Variants in SEMG2 observed in about 807,000 individuals in gnomAD.
SEMG2 encodes semenogelin-2.
A neutral mutation model predicts 8.1 loss-of-function variants in SEMG2; 3 were observed. The observed-to-expected ratio is 0.37, with a 90% CI of 0.17 to 0.96. The LOEUF (loss-of-function observed/expected upper bound fraction) is 0.96. Ranked by LOEUF, SEMG2 falls within the 40% of genes least tolerant of loss-of-function variation. The pLI, the probability that SEMG2 is intolerant of heterozygous loss-of-function variation, is 0.41. For missense variants in SEMG2, 726 were observed against 671.2 expected, an observed-to-expected ratio of 1.08 and a Z score of -0.90; for synonymous variants, 252 against 231.4, an observed-to-expected ratio of 1.09 and a Z score of -0.81.
In SEMG2 at chr20:45,223,414, A is replaced by G. The variant is rs978698447; in HGVS notation, c.*33A>G. On this transcript the variant is annotated 3_prime_UTR_variant, in exon 2 of 3. Transcript: ENST00000372769. ...GCTTAGCAACCACTTGAAAAGCTGG[A>G]CCAATAGCAAGGTAAGTTTGCTTTT... 10 of 1,492,318 alleles carry G rather than the reference A, an allele frequency of 6.7e-6. No homozygotes were observed. Among genetic ancestry groups the G allele is most frequent in the Admixed American group, 3.7e-5 (2 of 54,062 alleles). 92.4% of individuals were successfully genotyped at this position (1,492,318 alleles called of 1,614,324 possible).
chr20:45,223,011 G>T lies in SEMG2; in HGVS notation c.1379G>T (p.Gly460Val), dbSNP rs1984060426. ...ATTCCTAGTCAAGATCAAGAGCATG[G>T]CCATAAGGAAAATAAAATGTCATAC... is the stretch of plus-strand genomic sequence containing the variant. Reference protein sequence around the residue: ...VTIPSQDQEHGHKENKMSYQS... With the variant: ...VTIPSQDQEHVHKENKMSYQS... The change falls in exon 2 of 3, where the codon GGC (glycine) becomes GTC (valine). Residue 460 changes from glycine (G) to valine (V), a missense_variant. Gly to Val is a moderately radical substitution (Grantham distance 109). Transcript: ENST00000372769. 1.9e-6 allele frequency: 3 copies of T among 1,614,044 alleles called. No homozygotes were observed. In the African/African-American group the frequency reaches 4.0e-5, roughly 22 times the overall value.
Position 45,221,926 on chromosome 20 carries a change from A to C in SEMG2, c.294A>C (p.Gln98His). 1 of 1,613,224 alleles carries C rather than the reference A, an allele frequency of 6.2e-7. No homozygotes were observed. The highest frequency in any genetic ancestry group is 8.5e-7 in the Non-Finnish European group (1 of 1,179,814). The change falls in exon 2 of 3, where the codon CAA (glutamine) becomes CAC (histidine). Residue 98 changes from glutamine to histidine, a missense_variant. Physicochemically the swap from Gln to His is conservative, Grantham distance 24. Coordinates refer to ENST00000372769, the MANE Select transcript of SEMG2 (RefSeq NM_003008.3). ...TACATAAGGCGACAAAATCAAAACA[A>C]CACCTAGGTGGAAGTCAACAACTGC... is the stretch of plus-strand genomic sequence containing the variant. Reference protein sequence around the residue: ...NALHKATKSKQHLGGSQQLLN... With the variant: ...NALHKATKSKHHLGGSQQLLN...
Position 45,222,270 on chromosome 20 carries a change from C to T in SEMG2, c.638C>T (p.Ser213Phe). ...VNKQQRETKN[S>F]HQNKGHYQNV... ...AAACAACAACGTGAGACTAAAAATT[C>T]TCATCAAAATAAAGGGCATTACCAA... is the stretch of plus-strand genomic sequence containing the variant. The change falls in exon 2 of 3, where the codon TCT (serine) becomes TTT (phenylalanine). Residue 213 changes from serine to phenylalanine, a missense_variant. By Grantham distance (155) the Ser-to-Phe change is radical. Coordinates refer to ENST00000372769, the MANE Select transcript of SEMG2 (RefSeq NM_003008.3). The T allele has an allele frequency of 6.2e-7, 1 of 1,614,044 alleles. No individual in the cohort carries two copies. The highest frequency in any genetic ancestry group is 8.5e-7 in the Non-Finnish European group (1 of 1,180,002).
Position 45,221,640 on chromosome 20 carries a change from G to T in SEMG2, c.77-69G>T, listed in dbSNP as rs1984014447. The T allele has an allele frequency of 2.1e-6, 3 of 1,431,496 alleles. No homozygotes were observed. In the Admixed American group the frequency reaches 6.2e-5, roughly 30 times the overall value. 88.7% of individuals were successfully genotyped at this position (1,431,496 alleles called of 1,614,324 possible). ...AATATCAGAAATTTGTTGGGAAAAG[G>T]TGGGAGGTAAGAGTTGCAAGAGAGC... is the stretch of plus-strand genomic sequence containing the variant. On this transcript the variant is annotated intron_variant, in intron 1 of 2. Transcript: ENST00000372769.
intron 2 of SEMG2, 82 bp downstream of exon 2, chr20:45,223,507 C>T (rs1984075840): frequency 3.2e-6 from 2 of 620,800 alleles, no homozygotes; most frequent in Admixed American, 6.1e-5. Flanking sequence ...GGACTGATAA[C>T]CATTGTTCAC....
intron 1 of SEMG2, 80 bp from the exon 2 acceptor site, chr20:45,221,629 G>A (rs1263738344): frequency 1.4e-6 from 2 of 1,415,788 alleles, no homozygotes; most frequent in Non-Finnish European, 1.9e-6. Flanking sequence ...TCAGAAATTT[G>A]TTGGGAAAAG....
rs879307754 is a variant in SEMG2, at chr20:45,223,945, AAAGAAGG to A, written c.*45-344_*45-338del. 1.2e-3 allele frequency among the ~76,000 whole-genome samples: 177 copies of A among 152,352 alleles called. 1 individual carries two copies. Among genetic ancestry groups the A allele is most frequent in the Non-Finnish European group, 2.1e-3 (146 of 68,030 alleles). On this transcript the variant is annotated intron_variant, in intron 2 of 2. Transcript: ENST00000372769. ...CTGAATATAGGAAAGATATGAGTAG[AAAGAAGG>A]ATTCCTGTTCAGATTGTGAAAAAGG...
Position 45,223,001 on chromosome 20 carries a change from C to A in SEMG2, c.1369C>A (p.Gln457Lys). The stretch of plus-strand genomic sequence containing the variant: ...CCAGGTAACAATTCCTAGTCAAGAT[C>A]AAGAGCATGGCCATAAGGAAAATAA... ...QNQVTIPSQDQEHGHKENKMS... is the reference protein window; with the variant it reads ...QNQVTIPSQDKEHGHKENKMS... The change falls in exon 2 of 3, where the codon CAA (glutamine) becomes AAA (lysine). Residue 457 changes from glutamine (Q) to lysine (K), a missense_variant. Gln to Lys is a moderately conservative substitution (Grantham distance 53). Transcript: ENST00000372769. 1 of 1,614,118 alleles carries A rather than the reference C, an allele frequency of 6.2e-7. No homozygotes were observed. The highest frequency in any genetic ancestry group is 1.1e-5 in the South Asian group (1 of 91,082).
Position 45,221,920 on chromosome 20 carries a change from A to G in SEMG2, c.288A>G (p.Ser96=), listed in dbSNP as rs776753000. 1 of 1,613,348 alleles carries G rather than the reference A, an allele frequency of 6.2e-7. No individual in the cohort carries two copies. Among genetic ancestry groups the G allele is most frequent in the Non-Finnish European group, 8.5e-7 (1 of 1,179,830 alleles). The stretch of plus-strand genomic sequence containing the variant: ...ATGCCCTACATAAGGCGACAAAATC[A>G]AAACAACACCTAGGTGGAAGTCAAC... The part of the protein sequence containing the change: ...DLNALHKATK[S]KQHLGGSQQL... The change falls in exon 2 of 3, where the codon TCA becomes TCG. Residue 96 remains serine, a synonymous_variant. Transcript: ENST00000372769.
chr20:45,222,881 C>T lies in SEMG2; in HGVS notation c.1249C>T (p.Arg417Cys), dbSNP rs145492968. 58 of 1,613,448 alleles carry T rather than the reference C, an allele frequency of 3.6e-5. No homozygotes were observed. Among genetic ancestry groups the T allele is most frequent in the South Asian group, 1.9e-4 (17 of 91,042 alleles). ...SYQSSSTEERRLNSGEKDVQK... is the reference protein window; with the variant it reads ...SYQSSSTEERCLNSGEKDVQK... The stretch of plus-strand genomic sequence containing the variant: ...CCAATCTTCGAGTACAGAAGAAAGA[C>T]GTCTCAACAGTGGAGAAAAGGATGT... The change falls in exon 2 of 3, where the codon CGT (arginine) becomes TGT (cysteine). Residue 417 changes from arginine to cysteine, a missense_variant. Transcript: ENST00000372769.
rs1369738351 is a variant in SEMG2, at chr20:45,222,919, A to G, written c.1287A>G (p.Val429=). ...NSGEKDVQKG[V]SKGSISIQTE... ...GAGAAAAGGATGTACAGAAAGGTGT[A>G]TCCAAAGGCAGTATTTCTATCCAAA... Residue 429 remains valine, a synonymous_variant, in exon 2 of 3, where the codon GTA becomes GTG. Transcript: ENST00000372769. 1.9e-6 allele frequency: 3 copies of G among 1,613,778 alleles called. No individual in the cohort carries two copies. The highest frequency in any genetic ancestry group is 1.7e-6 in the Non-Finnish European group (2 of 1,179,964).
chr20:45,222,099 C>A lies in SEMG2; in HGVS notation c.467C>A (p.Ser156Tyr). The change falls in exon 2 of 3, where the codon TCC (serine) becomes TAC (tyrosine). Residue 156 changes from serine to tyrosine, a missense_variant. Transcript: ENST00000372769. The part of the protein sequence containing the change: ...QGNSPSGKGL[S>Y]SQCSNTEKRL... ...AATAGCCCATCTGGAAAGGGATTAT[C>A]CAGTCAATGTTCAAACACAGAAAAA... is the stretch of plus-strand genomic sequence containing the variant. The A allele has an allele frequency of 6.2e-7, 1 of 1,613,848 alleles. No homozygotes were observed. Among genetic ancestry groups the A allele is most frequent in the Non-Finnish European group, 8.5e-7 (1 of 1,179,950 alleles).
In SEMG2 at chr20:45,223,100, T is replaced by C. The variant is rs1357372931; in HGVS notation, c.1468T>C (p.Ser490Pro). 6.2e-7 allele frequency: 1 copy of C among 1,614,102 alleles called. No individual in the cohort carries two copies. The highest frequency in any genetic ancestry group is 8.5e-7 in the Non-Finnish European group (1 of 1,180,002). The change falls in exon 2 of 3, where the codon TCC becomes CCC. Residue 490 changes from serine to proline, a missense_variant. Transcript: ENST00000372769. ...AGGAAAGAGCACGCAGAAAGATGTA[T>C]CCCAAAGCAGTATTTCTTTCCAAAT... The part of the protein sequence containing the change: ...YGGKSTQKDV[S>P]QSSISFQIEK...
rs755173138 is a variant in SEMG2, at chr20:45,223,111, TA to T, written c.1480del (p.Ile494PhefsTer8). 4.3e-6 allele frequency: 7 copies of T among 1,613,978 alleles called. No individual in the cohort carries two copies. The highest frequency in any genetic ancestry group is 1.6e-4 in the Middle Eastern group (1 of 6,084). ...CGCAGAAAGATGTATCCCAAAGCAG[TA>T]TTTCTTTCCAAATTGAAAAGCTAGT... ...STQKDVSQSS[I>X]SFQIEKLVEG... On this transcript the variant is annotated frameshift_variant, in exon 2 of 3. Coordinates refer to ENST00000372769, the MANE Select transcript of SEMG2 (RefSeq NM_003008.3). LOFTEE classifies it low-confidence loss of function (END_TRUNC).
rs1984017193 is a variant in SEMG2 at position 45,221,738 on chromosome 20, T to A, written c.106T>A (p.Ser36Thr). ...ATCAAAAGGCCAATTGCCAAGCGGATCTTCCCAATTTCCACATGGACAAAA... is the reference window on the plus strand; with the variant it reads ...ATCAAAAGGCCAATTGCCAAGCGGAACTTCCCAATTTCCACATGGACAAAA... ...GGSKGQLPSG[S>T]SQFPHGQKGQ... The change falls in exon 2 of 3, where the codon TCT (serine) becomes ACT (threonine). Residue 36 changes from serine to threonine, a missense_variant. Transcript: ENST00000372769. The A allele has an allele frequency of 6.2e-7, 1 of 1,610,706 alleles. No individual in the cohort carries two copies. The highest frequency in any genetic ancestry group is 1.7e-5 in the Admixed American group (1 of 59,226).
rs934291703 is a variant in SEMG2, at chr20:45,223,301, G to A, written c.1669G>A (p.Val557Ile). ...GGAATCCAGTGAGTCACATAATATT[G>A]TAATTACTGAGCATGAGGTTGCCCA... ...KQESSESHNI[V>I]ITEHEVAQDD... Residue 557 changes from valine (V) to isoleucine (I), a missense_variant, in exon 2 of 3, where the codon GTA becomes ATA. Physicochemically the swap from Val to Ile is conservative, Grantham distance 29. Coordinates refer to ENST00000372769, the MANE Select transcript of SEMG2 (RefSeq NM_003008.3). The A allele has an allele frequency of 6.2e-7, 1 of 1,613,990 alleles. No homozygotes were observed. Among genetic ancestry groups the A allele is most frequent in the African/African-American group, 1.3e-5 (1 of 74,932 alleles).
At chr20:45,223,487 G>C in intron 2 of SEMG2, 62 bp downstream of exon 2, 1 of 686,660 alleles carries the variant, frequency 1.5e-6, no homozygotes, top group East Asian at 2.7e-5. Context: ...GACTCTCCAG[G>C]AACATGGTAG....
In SEMG2 at chr20:45,222,121, A is replaced by C; in HGVS notation, c.489A>C (p.Glu163Asp). The C allele has an allele frequency of 1.2e-6, 2 of 1,613,792 alleles. No individual in the cohort carries two copies. The highest frequency in any genetic ancestry group is 2.7e-5 in the African/African-American group (2 of 75,026). ...TATCCAGTCAATGTTCAAACACAGA[A>C]AAAAGGCTATGGGTTCATGGACTAA... The part of the protein sequence containing the change: ...KGLSSQCSNT[E>D]KRLWVHGLSK... The change falls in exon 2 of 3, where the codon GAA (glutamate) becomes GAC (aspartate). Residue 163 changes from glutamate (E) to aspartate (D), a missense_variant. Glu to Asp is a conservative substitution (Grantham distance 45). Transcript: ENST00000372769.
At position 45,223,252 on chromosome 20, in the gene SEMG2, T is replaced by C. The variant is rs747823218; in HGVS notation, c.1620T>C (p.His540=). The C allele has an allele frequency of 1.9e-6, 3 of 1,614,038 alleles. No homozygotes were observed. The highest frequency in any genetic ancestry group is 1.7e-5 in the Admixed American group (1 of 59,998). ...SADSKQDLLS[H]EQKGRYKQES... ...ATAGCAAACAAGACCTACTCAGTCA[T>C]GAACAAAAAGGCAGATACAAACAGG... The change falls in exon 2 of 3, where the codon CAT becomes CAC. Residue 540 remains histidine, a synonymous_variant. Coordinates refer to ENST00000372769, the MANE Select transcript of SEMG2 (RefSeq NM_003008.3).
Sources: gnomAD v4.1 joint callset for allele counts (sites outside exome capture counted in the v4.1 genomes callset) on GRCh38, gnomAD v4.1.1 for gene constraint, MANE v1.5 for transcripts, NCBI Gene and HGNC (gene_info 2026-07-23, HGNC 2026-07-21) for gene names.